The following IL1RAP variants were observed in gnomAD, a reference collection of about 807,000 sequenced individuals.
IL1RAP encodes interleukin 1 receptor accessory protein.
IL1RAP carries 35 observed loss-of-function variants against 60.7 expected under a neutral mutation model. The observed-to-expected ratio is 0.58, with a 90% CI of 0.44 to 0.76. The LOEUF (loss-of-function observed/expected upper bound fraction) is 0.76. Ranked by LOEUF, IL1RAP falls within the 30% of genes least tolerant of loss-of-function variation. The probability of loss-of-function intolerance (pLI) is 0.00; values close to 1 mark genes in which losing one functional copy is unlikely to be tolerated. For missense variants in IL1RAP, 572 were observed against 693.9 expected (o/e 0.82, Z 1.97); for synonymous variants, 268 against 250.9 (o/e 1.07, Z -0.64).
chr3:190,558,293 G>T (rs887713292), intron 2 of IL1RAP, among the ~76,000 whole-genome samples: 1 of 152,034 alleles, frequency 6.6e-6, no homozygotes. Context: ...ATTTCCCTTG[G>T]ACAAATATCC....
intron 1 of IL1RAP, among the ~76,000 whole-genome samples, chr3:190,543,179 C>T (rs2108568391): frequency 6.6e-6 from 1 of 152,158 alleles, no homozygotes; most frequent in South Asian, 2.1e-4. Context: ...GTTGAACATG[C>T]CTTGCCTGAC....
chr3:190,653,098 A>G (rs2108872737), downstream of IL1RAP, among the ~76,000 whole-genome samples: 1 of 152,330 alleles, frequency 6.6e-6, no homozygotes, highest in African/African-American at 2.4e-5. Context: ...AGTAATTTTA[A>G]TCTACATCTA....
chr3:190,584,022 A>T (rs1156814327), intron 3 of IL1RAP, among the ~76,000 whole-genome samples: 1 of 152,068 alleles, frequency 6.6e-6, no homozygotes, highest in African/African-American at 2.4e-5. Context: ...TATCCTCCCA[A>T]ATTTCTCTCA....
At chr3:190,538,058 C>T (rs1287717071) in intron 1 of IL1RAP, among the ~76,000 whole-genome samples, 2 of 152,026 alleles carry the variant, frequency 1.3e-5, no homozygotes, top group Non-Finnish European at 2.9e-5. Context: ...CCCTAAGTAC[C>T]CACACAGAAG....
intron 9 of IL1RAP, among the ~76,000 whole-genome samples, chr3:190,642,811 C>T (rs1220025869): frequency 6.6e-6 from 1 of 152,150 alleles, no homozygotes; most frequent in Non-Finnish European, 1.5e-5. Context: ...TCCCCAGAAG[C>T]TTCTGGCAAA....
chr3:190,593,967 A>T (rs1184902404), intron 3 of IL1RAP, among the ~76,000 whole-genome samples: 3 of 152,252 alleles, frequency 2.0e-5, no homozygotes, highest in African/African-American at 7.2e-5. Flanking sequence ...AATATAAGTC[A>T]AAGAGACATA....
At position 190,627,031 on chromosome 3, in the gene IL1RAP, T is replaced by C. The variant is rs111303050; in HGVS notation, c.776-292T>C. On this transcript the variant is annotated intron_variant, in intron 7 of 11. Transcript: ENST00000447382. ...GAATTTATTTAGATTACATTAAAAATGGTCACTCTGGTAATTTTATACAAA... is the reference window on the plus strand; with the variant it reads ...GAATTTATTTAGATTACATTAAAAACGGTCACTCTGGTAATTTTATACAAA... Among the ~76,000 whole-genome samples the C allele has an allele frequency of 2.6e-3, 401 of 152,274 alleles. 1 individual carries two copies. Among genetic ancestry groups the C allele is most frequent in the African/African-American group, 9.2e-3 (384 of 41,560 alleles).
At chr3:190,636,853 A>G (rs1258779510) in intron 9 of IL1RAP, among the ~76,000 whole-genome samples, 3 of 151,868 alleles carry the variant, frequency 2.0e-5, no homozygotes, top group East Asian at 3.8e-4. Context: ...TTTGTTGTCC[A>G]CCTGTCTTTA....
chr3:190,613,646 A>G (rs1429195273), intron 5 of IL1RAP, among the ~76,000 whole-genome samples: 1 of 152,156 alleles, frequency 6.6e-6, no homozygotes, highest in East Asian at 1.9e-4. Context: ...AACATGGCCA[A>G]TATGGTGAAA....
At chr3:190,655,931 G>A, downstream of IL1RAP, 2 of 1,537,388 alleles carry the variant, frequency 1.3e-6, no homozygotes, top group African/African-American at 1.4e-5. Context: ...AGAAGCAGAA[G>A]GATGATTGTT....
intron 5 of IL1RAP, among the ~76,000 whole-genome samples, chr3:190,611,258 T>C (rs1730797071): frequency 6.6e-6 from 1 of 152,152 alleles, no homozygotes; most frequent in African/African-American, 2.4e-5. Context: ...AAGAAGAAAA[T>C]ATTACATATT....
intron 1 of IL1RAP, among the ~76,000 whole-genome samples, chr3:190,544,798 C>T (rs1724232370): frequency 6.6e-6 from 1 of 152,178 alleles, no homozygotes; most frequent in South Asian, 2.1e-4. Flanking sequence ...TCCTGAAAGG[C>T]CCTGAAAGAA....
chr3:190,627,014 T>G (rs1732344963), intron 7 of IL1RAP, among the ~76,000 whole-genome samples: 1 of 152,148 alleles, frequency 6.6e-6, no homozygotes, highest in African/African-American at 2.4e-5. Context: ...TAGAATTTAT[T>G]TAGATTACAT....
chr3:190,569,918 C>G (rs1412869118), intron 3 of IL1RAP, among the ~76,000 whole-genome samples: 3 of 152,106 alleles, frequency 2.0e-5, no homozygotes, highest in African/African-American at 4.8e-5. Context: ...GCTATCCTTT[C>G]CCTCACTCCC....
chr3:190,650,464 A>G lies in IL1RAP; in HGVS notation c.*1759A>G. On this transcript the variant is annotated 3_prime_UTR_variant, in exon 12 of 12. Coordinates refer to ENST00000447382, the MANE Select transcript of IL1RAP (RefSeq NM_002182.4). ...CAGTGCTCAACTATTTGAACTGTTG[A>G]GTGATAAAGGAAACAAATATAACTG... The G allele has an allele frequency of 2.0e-6, 2 of 983,396 alleles. No individual in the cohort carries two copies. The highest frequency in any genetic ancestry group is 1.7e-5 in the African/African-American group (1 of 57,316). The allele number at this position is 983,396 out of a possible 1,614,324, so 60.9% of individuals were successfully genotyped here. A position where few individuals can be genotyped will look rare whatever the true frequency, so the allele number is the denominator to read the frequency against.
chr3:190,630,631 T>C (rs183185961), intron 9 of IL1RAP, among the ~76,000 whole-genome samples: 12 of 152,270 alleles, frequency 7.9e-5, no homozygotes, highest in Admixed American at 5.9e-4. Context: ...AGTGAATCAG[T>C]TCAGGGTAAT....
intron 3 of IL1RAP, among the ~76,000 whole-genome samples, chr3:190,566,067 TTTCTCTCCATCTC>T (rs1159261545): frequency 6.6e-6 from 1 of 152,018 alleles, no homozygotes; most frequent in Non-Finnish European, 1.5e-5. Context: ...CCTTCTTTCC[TTTCTCTCCATCTC>T]TTTTTCTTCC....
intron 3 of IL1RAP, among the ~76,000 whole-genome samples, chr3:190,581,977 G>C (rs1291491404): frequency 6.6e-6 from 1 of 151,984 alleles, no homozygotes; most frequent in African/African-American, 2.4e-5. Flanking sequence ...GTCAAAGTTA[G>C]GTTCTAAAAA....
At chr3:190,577,707 T>G (rs1727620335) in intron 3 of IL1RAP, among the ~76,000 whole-genome samples, 1 of 152,020 alleles carries the variant, frequency 6.6e-6, no homozygotes, top group Admixed American at 6.6e-5. Flanking sequence ...ATTTTTTAAT[T>G]TTTTTGTGGA....
Sources: gnomAD v4.1 joint callset for allele counts (sites outside exome capture counted in the v4.1 genomes callset) on GRCh38, gnomAD v4.1.1 for gene constraint, MANE v1.5 for transcripts, NCBI Gene and HGNC (gene_info 2026-07-23, HGNC 2026-07-21) for gene names.